The following GRM8 variants were observed in gnomAD, a reference collection of about 807,000 sequenced individuals.
GRM8 encodes the protein glutamate metabotropic receptor 8.
GRM8 carries 47 observed loss-of-function variants against 87.2 expected under a neutral mutation model. That is an observed-to-expected ratio of 0.54 (90% CI 0.43 to 0.69). GRM8 has a LOEUF of 0.69. Among genes scored for constraint, GRM8 ranks in the 30% least tolerant of loss-of-function variants. GRM8 has a pLI of 0.00. For missense variants in GRM8, 1,019 were observed against 1,139.2 expected (o/e 0.89, Z 1.52); for synonymous variants, 396 against 404.5 (o/e 0.98, Z 0.25).
chr7:126,454,269 G>A (rs1802972155), intron 9 of GRM8, among the ~76,000 whole-genome samples: 2 of 151,664 alleles, frequency 1.3e-5, no homozygotes, highest in Non-Finnish European at 3.0e-5. Flanking sequence ...ATTTATCACT[G>A]CCTAGAGACG....
chr7:126,501,667 C>T (rs1562888924), intron 9 of GRM8, among the ~76,000 whole-genome samples: 3 of 151,856 alleles, frequency 2.0e-5, no homozygotes, highest in South Asian at 2.1e-4. Context: ...TGAATCAGGC[C>T]GGACAAGTTC....
chr7:126,642,701 G>A lies in GRM8; in HGVS notation c.1358-33203C>T, dbSNP rs192823505. Among the ~76,000 whole-genome samples, 86 of 152,092 alleles carry A rather than the reference G, an allele frequency of 5.7e-4. 1 individual carries two copies. The East Asian group carries it at 0.015, about 27-fold the overall frequency. ...CTGTAATACAACATTCAAGCAAAGG[G>A]TTGTTACACCAAATACGATAGAGAT... On this transcript the variant is annotated intron_variant, in intron 7 of 10. Transcript: ENST00000339582.
At chr7:126,454,009 G>A (rs1802940319) in intron 9 of GRM8, among the ~76,000 whole-genome samples, 1 of 151,688 alleles carries the variant, frequency 6.6e-6, no homozygotes, top group Admixed American at 6.6e-5. Context: ...AGCATGGACA[G>A]AACTGGGAAT....
intron 3 of GRM8, among the ~76,000 whole-genome samples, chr7:127,061,209 T>C (rs1820565679): frequency 6.6e-6 from 1 of 152,340 alleles, no homozygotes; most frequent in Middle Eastern, 3.4e-3. Flanking sequence ...CTTTAAATCA[T>C]TGAATTCACA....
At chr7:126,612,546 A>C (rs1310542421) in intron 7 of GRM8, among the ~76,000 whole-genome samples, 2 of 152,188 alleles carry the variant, frequency 1.3e-5, no homozygotes, top group Admixed American at 1.3e-4. Flanking sequence ...GCAATATCGA[A>C]GCACTCGCAA....
chr7:126,850,988 T>C (rs532587967), intron 6 of GRM8, among the ~76,000 whole-genome samples: 2 of 152,262 alleles, frequency 1.3e-5, no homozygotes, highest in South Asian at 4.2e-4. Flanking sequence ...CTAGTTCTTA[T>C]AGCCATGAAT....
chr7:126,601,960 T>A (rs1218726437), intron 8 of GRM8, among the ~76,000 whole-genome samples: 4 of 130,674 alleles, frequency 3.1e-5, no homozygotes, highest in Non-Finnish European at 3.4e-5. Flanking sequence ...GTCAATTTTG[T>A]CTTTTGTTGC....
At chr7:127,001,649 T>G (rs185119171) in intron 3 of GRM8, among the ~76,000 whole-genome samples, 1 of 151,772 alleles carries the variant, frequency 6.6e-6, no homozygotes, top group East Asian at 1.9e-4. Flanking sequence ...TAAATCTGTT[T>G]GGCAGATTCT....
At chr7:127,130,318 T>C (rs1827615160) in intron 2 of GRM8, among the ~76,000 whole-genome samples, 2 of 152,132 alleles carry the variant, frequency 1.3e-5, no homozygotes, top group Admixed American at 1.3e-4. Context: ...GAAGTGACTT[T>C]GGATCTGGGT....
At chr7:126,619,295 G>A (rs1034258203) in intron 7 of GRM8, among the ~76,000 whole-genome samples, 2 of 152,058 alleles carry the variant, frequency 1.3e-5, no homozygotes, top group Non-Finnish European at 2.9e-5. Context: ...AACACCGCAT[G>A]TTCTCACTCA....
At position 126,565,878 on chromosome 7, in the gene GRM8, T is replaced by C. The variant is rs144942148; in HGVS notation, c.1495-31991A>G. Among the ~76,000 whole-genome samples, 220 of 152,080 alleles carry C rather than the reference T, an allele frequency of 1.4e-3. 2 individuals carry two copies. In the East Asian group the frequency reaches 0.035, roughly 24 times the overall value. The stretch of plus-strand genomic sequence containing the variant: ...ACAGAATAGAGACCCCAGAAATAAA[T>C]CTGTGAATATTTGGTCAAATGATCT... On this transcript the variant is annotated intron_variant, in intron 8 of 10. Transcript: ENST00000339582.
intron 7 of GRM8, among the ~76,000 whole-genome samples, chr7:126,660,229 T>C (rs927834259): frequency 2.0e-5 from 3 of 152,226 alleles, no homozygotes; most frequent in Non-Finnish European, 4.4e-5. Context: ...TGATCTATTC[T>C]GCCTCCACTG....
chr7:126,702,461 G>A (rs77252331), intron 7 of GRM8, among the ~76,000 whole-genome samples: 22 of 152,150 alleles, frequency 1.4e-4, no homozygotes, highest in Non-Finnish European at 2.5e-4. Flanking sequence ...ATACTCATGC[G>A]AAGCACTGAT....
chr7:126,666,657 AT>A (rs1805800560), intron 7 of GRM8, among the ~76,000 whole-genome samples: 1 of 152,170 alleles, frequency 6.6e-6, no homozygotes, highest in East Asian at 1.9e-4. Flanking sequence ...ATACAAAAAA[AT>A]AATAGGAGAG....
At chr7:127,199,079 G>A (rs1434225129) in intron 2 of GRM8, among the ~76,000 whole-genome samples, 1 of 151,994 alleles carries the variant, frequency 6.6e-6, no homozygotes, top group Admixed American at 6.6e-5. Flanking sequence ...GACCTCAGGT[G>A]ATCCATCTGC....
At chr7:126,944,230 T>A (rs1228645507) in intron 3 of GRM8, among the ~76,000 whole-genome samples, 1 of 152,184 alleles carries the variant, frequency 6.6e-6, no homozygotes, top group African/African-American at 2.4e-5. Flanking sequence ...AATCTTATAA[T>A]GTGATCTGAA....
intron 6 of GRM8, among the ~76,000 whole-genome samples, chr7:126,815,755 T>C (rs1049023279): frequency 2.6e-5 from 4 of 152,138 alleles, no homozygotes; most frequent in African/African-American, 9.7e-5. Flanking sequence ...AAACTATTCT[T>C]CTTTTTGTCA....
At chr7:126,488,177 A>T (rs1807591954) in intron 9 of GRM8, among the ~76,000 whole-genome samples, 1 of 152,010 alleles carries the variant, frequency 6.6e-6, no homozygotes, top group African/African-American at 2.4e-5. Context: ...CTGGACAGAA[A>T]AAAAAACAAA....
Position 126,785,515 on chromosome 7 carries a change from C to A in GRM8, c.1157-15450G>T, listed in dbSNP as rs148434888. 6.6e-4 allele frequency among the ~76,000 whole-genome samples: 100 copies of A among 152,190 alleles called. 1 individual carries two copies. The highest frequency in any genetic ancestry group is 2.1e-3 in the African/African-American group (89 of 41,522). ...ATAAAGACTTTATTTTTCCAGCCTC[C>A]TTTGCAGCCAAATTTAGCTGCTGCC... is the stretch of plus-strand genomic sequence containing the variant. On this transcript the variant is annotated intron_variant, in intron 6 of 10. Coordinates refer to ENST00000339582, the MANE Select transcript of GRM8 (RefSeq NM_000845.3).
Sources: gnomAD v4.1 joint callset for allele counts (sites outside exome capture counted in the v4.1 genomes callset) on GRCh38, gnomAD v4.1.1 for gene constraint, MANE v1.5 for transcripts, NCBI Gene and HGNC (gene_info 2026-07-23, HGNC 2026-07-21) for gene names.